SEMA6A: variants seen among roughly 807,000 people sequenced by gnomAD.
SEMA6A encodes the protein semaphorin-6A.
Under a neutral mutation model 96.8 loss-of-function variants are expected in SEMA6A, and 25 were observed. The ratio of observed to expected loss-of-function variants is 0.26; its 90% CI spans 0.19 to 0.36. The LOEUF is 0.36. Among genes scored for constraint, SEMA6A ranks in the 10% least tolerant of loss-of-function variants. The pLI is 1.00. For synonymous variants in SEMA6A, 612 were observed against 518.0 expected (o/e 1.18, Z -2.46); for missense variants, 1,363 against 1,323.1 (o/e 1.03, Z -0.47).
rs761942971 is a variant in SEMA6A, at chr5:116,447,402, C to T, written c.2304G>A (p.Arg768=). ...ACTCGCGGCTGCCGCGGCTGGGCTT[C>T]CGCTTCTGCTGCAGCGTTGGGGTTG... is the stretch of plus-strand genomic sequence containing the variant. ...PESTPTLQQK[R]KPSRGSREWE... is the part of the protein sequence containing the mutation. Residue 768 remains arginine (R), a synonymous_variant, in exon 19 of 19, where the codon CGG becomes CGA. Coordinates refer to ENST00000343348, the MANE Select transcript of SEMA6A (RefSeq NM_020796.5). The T allele has an allele frequency of 4.5e-5, 72 of 1,613,938 alleles. No homozygotes were observed. The highest frequency in any genetic ancestry group is 6.0e-5 in the Non-Finnish European group (71 of 1,179,912).
chr5:116,449,656 C>T (rs1294077095), intron 18 of SEMA6A: 2 of 279,940 alleles, frequency 7.1e-6, no homozygotes, highest in African/African-American at 4.4e-5. Context: ...TGTGACATCA[C>T]AGTTGGTTGC....
intron 18 of SEMA6A, among the ~76,000 whole-genome samples, chr5:116,466,277 C>T (rs1755748698): frequency 6.6e-6 from 1 of 150,938 alleles, no homozygotes; most frequent in Non-Finnish European, 1.5e-5. Flanking sequence ...ACTTGGGAAG[C>T]TGAGGCAGGG....
intron 1 of SEMA6A, among the ~76,000 whole-genome samples, chr5:116,505,515 A>C (rs1159453905): frequency 1.3e-5 from 2 of 151,632 alleles, no homozygotes; most frequent in Non-Finnish European, 2.9e-5. Context: ...ACTAATTTCC[A>C]TTACCTGCTT....
chr5:116,569,717 G>A (rs1383307220), intron 1 of SEMA6A, among the ~76,000 whole-genome samples: 4 of 152,176 alleles, frequency 2.6e-5, no homozygotes, highest in African/African-American at 9.7e-5. Context: ...CACAATGGAT[G>A]TAGGTGTGAC....
intron 18 of SEMA6A, among the ~76,000 whole-genome samples, chr5:116,456,849 A>C (rs1352403621): frequency 6.6e-6 from 1 of 152,160 alleles, no homozygotes; most frequent in Non-Finnish European, 1.5e-5. Context: ...CCTCAACTCA[A>C]CTTACAGCTA....
intron 1 of SEMA6A, among the ~76,000 whole-genome samples, chr5:116,559,606 G>A (rs1300190289): frequency 1.3e-5 from 2 of 152,312 alleles, no homozygotes; most frequent in East Asian, 1.9e-4. Context: ...CAAGAGCCTT[G>A]CAACTAGGTG....
intron 1 of SEMA6A, among the ~76,000 whole-genome samples, chr5:116,552,825 C>T (rs1226615706): frequency 6.6e-6 from 1 of 152,124 alleles, no homozygotes; most frequent in African/African-American, 2.4e-5. Context: ...AAAATGAATA[C>T]GTTGTCATTC....
intron 1 of SEMA6A, among the ~76,000 whole-genome samples, chr5:116,564,001 TTTCTC>T (rs1422246274): frequency 6.6e-6 from 1 of 151,848 alleles, no homozygotes; most frequent in Non-Finnish European, 1.5e-5. Flanking sequence ...ACTTAAAGTG[TTTCTC>T]CACAAGAAAT....
In SEMA6A at chr5:116,453,959, A is replaced by C. The variant is rs1018823100; in HGVS notation, c.1895-6148T>G. On this transcript the variant is annotated intron_variant, in intron 18 of 18. Transcript: ENST00000343348. ...CAAAGGAAGAGCTCTACTCACCCCC[A>C]CCCCAATTACCACCCTAAGCGTGTA... is the stretch of plus-strand genomic sequence containing the variant. 2.6e-5 allele frequency among the ~76,000 whole-genome samples: 4 copies of C among 152,004 alleles called. No homozygotes were observed. In the South Asian group the frequency reaches 8.3e-4, roughly 32 times the overall value.
At chr5:116,523,461 G>A (rs898359678) in intron 1 of SEMA6A, among the ~76,000 whole-genome samples, 16 of 152,096 alleles carry the variant, frequency 1.1e-4, no homozygotes, top group African/African-American at 2.4e-4. Context: ...ACAGGCACGC[G>A]CCACCATGCC....
intron 7 of SEMA6A, among the ~76,000 whole-genome samples, chr5:116,490,932 T>C (rs936357170): frequency 2.0e-5 from 3 of 152,184 alleles, no homozygotes; most frequent in African/African-American, 4.8e-5. Context: ...CACAAACTCA[T>C]ACACAAAAAT....
At chr5:116,535,763 C>T (rs1445153367) in intron 1 of SEMA6A, among the ~76,000 whole-genome samples, 1 of 152,078 alleles carries the variant, frequency 6.6e-6, no homozygotes. Context: ...AGAGACTGCT[C>T]CTATAAATGA....
chr5:116,513,082 T>C (rs978361870), intron 1 of SEMA6A, among the ~76,000 whole-genome samples: 1 of 152,142 alleles, frequency 6.6e-6, no homozygotes, highest in Middle Eastern at 3.2e-3. Context: ...CAATGCATAA[T>C]AATCACATCA....
intron 1 of SEMA6A, among the ~76,000 whole-genome samples, chr5:116,553,268 A>G (rs953074235): frequency 6.6e-6 from 1 of 152,224 alleles, no homozygotes; most frequent in Non-Finnish European, 1.5e-5. Context: ...GTATAATCTT[A>G]GCCAAATTTC....
At chr5:116,489,393 A>T (rs948962945) in intron 7 of SEMA6A, among the ~76,000 whole-genome samples, 2 of 152,128 alleles carry the variant, frequency 1.3e-5, no homozygotes. Flanking sequence ...GTGAGAGCCC[A>T]GGGAAAGATA....
chr5:116,502,076 G>A (rs154466), intron 3 of SEMA6A, 134 bp downstream of exon 3: 522,178 of 654,088 alleles, frequency 0.8, 209,868 homozygotes, highest in African/African-American at 0.94. Flanking sequence ...TGCTTGATAA[G>A]TTAAAGGAGG....
intron 18 of SEMA6A, among the ~76,000 whole-genome samples, chr5:116,455,171 TG>T (rs1301986806): frequency 6.6e-6 from 1 of 152,212 alleles, no homozygotes; most frequent in South Asian, 2.1e-4. Context: ...CCCTGTGTGC[TG>T]GGAACGCTCA....
rs1754024528 is a variant in SEMA6A, at chr5:116,443,636, T to C, written c.*2977A>G. 6.6e-6 allele frequency: 1 copy of C among 152,640 alleles called. No individual in the cohort carries two copies. The highest frequency in any genetic ancestry group is 2.4e-5 in the African/African-American group (1 of 41,456). The allele number at this position is 152,640 out of a possible 1,614,324, so 9.5% of individuals were successfully genotyped here. A position where few individuals can be genotyped will look rare whatever the true frequency, so the allele number is the denominator to read the frequency against. ...TTTTCTTTTTTCCCTTTTTTTCTTT[T>C]CTTTTTTCTTTTCTTACAACATACA... On this transcript the variant is annotated 3_prime_UTR_variant, in exon 19 of 19. Coordinates refer to ENST00000343348, the MANE Select transcript of SEMA6A (RefSeq NM_020796.5).
chr5:116,491,178 AG>A (rs745395438), intron 7 of SEMA6A, among the ~76,000 whole-genome samples: 11 of 152,142 alleles, frequency 7.2e-5, no homozygotes, highest in Non-Finnish European at 1.6e-4. Flanking sequence ...GAGCTTCCAG[AG>A]GCTTCCTTTT....
Sources: allele counts gnomAD v4.1 joint callset (sites outside exome capture counted in the v4.1 genomes callset), GRCh38; gene constraint gnomAD v4.1.1; transcripts MANE v1.5; gene names NCBI Gene and HGNC (gene_info 2026-07-23, HGNC 2026-07-21).